The following ELOVL6 variants were observed in gnomAD, a reference collection of about 807,000 sequenced individuals.
ELOVL6 encodes very long chain fatty acid elongase 6.
A neutral mutation model predicts 31.7 loss-of-function variants in ELOVL6; 8 were observed. The observed-to-expected ratio is 0.25, with a 90% CI of 0.15 to 0.45. The LOEUF is 0.45. Among genes scored for constraint, ELOVL6 ranks in the 20% least tolerant of loss-of-function variants. The pLI, the probability that ELOVL6 is intolerant of heterozygous loss-of-function variation, is 1.00. For missense variants in ELOVL6, 126 were observed against 326.4 expected, an observed-to-expected ratio of 0.39 and a Z score of 4.73; for synonymous variants, 101 against 117.7, an observed-to-expected ratio of 0.86 and a Z score of 0.92.
intron 3 of ELOVL6, among the ~76,000 whole-genome samples, chr4:110,056,435 C>T (rs1278444053): frequency 6.6e-6 from 1 of 151,938 alleles, no homozygotes; most frequent in Non-Finnish European, 1.5e-5. Flanking sequence ...GAGACACTTG[C>T]ACTGATTTTG....
intron 2 of ELOVL6, among the ~76,000 whole-genome samples, chr4:110,093,919 G>A (rs1331736764): frequency 6.6e-6 from 1 of 152,086 alleles, no homozygotes; most frequent in African/African-American, 2.4e-5. Flanking sequence ...GGCCAAATGT[G>A]AGCAAAATTC....
intron 2 of ELOVL6, among the ~76,000 whole-genome samples, chr4:110,071,363 A>G (rs1251202867): frequency 1.3e-5 from 2 of 152,248 alleles, no homozygotes; most frequent in Admixed American, 6.5e-5. Flanking sequence ...ACATACTTGT[A>G]AGCACTCAGG....
chr4:110,149,906 T>G (rs1395258107), intron 1 of ELOVL6, among the ~76,000 whole-genome samples: 1 of 152,240 alleles, frequency 6.6e-6, no homozygotes, highest in African/African-American at 2.4e-5. Flanking sequence ...TATAGATTTT[T>G]GAGAGCGTAA....
chr4:110,189,935 C>T (rs1759564284), intron 1 of ELOVL6, among the ~76,000 whole-genome samples: 1 of 149,242 alleles, frequency 6.7e-6, no homozygotes, highest in South Asian at 2.1e-4. Context: ...CCACTGCACT[C>T]CAGCCTGGGC....
intron 2 of ELOVL6, among the ~76,000 whole-genome samples, chr4:110,100,126 T>G (rs1027423177): frequency 6.8e-6 from 1 of 146,860 alleles, no homozygotes; most frequent in African/African-American, 2.6e-5. Flanking sequence ...TTGGTCACTA[T>G]GCCATCATAC....
At chr4:110,065,861 A>C (rs958864867) in intron 2 of ELOVL6, among the ~76,000 whole-genome samples, 2 of 152,172 alleles carry the variant, frequency 1.3e-5, no homozygotes, top group Non-Finnish European at 2.9e-5. Flanking sequence ...GAACATCAAT[A>C]GTTGATTTAA....
At chr4:110,073,353 A>G (rs1755543878) in intron 2 of ELOVL6, among the ~76,000 whole-genome samples, 1 of 152,112 alleles carries the variant, frequency 6.6e-6, no homozygotes, top group Admixed American at 6.5e-5. Context: ...ATAAAATATC[A>G]TTAAGTGTGT....
In ELOVL6 at chr4:110,084,378, T is replaced by TCGCATATATG. The variant is rs1560815106; in HGVS notation, c.221+21118_221+21119insCATATATGCG. ...TATATACCGCATATATGATATATGATATATATCGCATATATGATATATGAT... is the reference window on the plus strand; with the variant it reads ...TATATACCGCATATATGATATATGATCGCATATATGATATATCGCATATATGATATATGAT... On this transcript the variant is annotated intron_variant, in intron 2 of 3. Coordinates refer to ENST00000302274, the MANE Select transcript of ELOVL6 (RefSeq NM_024090.3). Among the ~76,000 whole-genome samples the TCGCATATATG allele has an allele frequency of 1.1e-4, 5 of 46,676 alleles. 1 individual carries two copies. In the South Asian group the frequency reaches 4.2e-3, roughly 39 times the overall value. The allele number at this position is 46,676 out of a possible 152,430, so 30.6% of individuals were successfully genotyped here. A position where few individuals can be genotyped will look rare whatever the true frequency, so the allele number is the denominator to read the frequency against.
At chr4:110,144,189 G>C (rs1250284457) in intron 1 of ELOVL6, among the ~76,000 whole-genome samples, 2 of 151,982 alleles carry the variant, frequency 1.3e-5, no homozygotes, top group African/African-American at 2.4e-5. Context: ...CTAGATACTA[G>C]TGTTATTCAG....
chr4:110,197,001 C>G (rs958567127), intron 1 of ELOVL6, among the ~76,000 whole-genome samples: 2 of 152,226 alleles, frequency 1.3e-5, no homozygotes, highest in African/African-American at 4.8e-5. Flanking sequence ...GCACCAGCTC[C>G]TACTGCACCA....
At chr4:110,198,087 C>A (rs903222265) in intron 1 of ELOVL6, 160 bp downstream of exon 1, 7 of 331,376 alleles carry the variant, frequency 2.1e-5, no homozygotes, top group East Asian at 1.6e-4. Flanking sequence ...CCCCCCCCCC[C>A]AGCGTCTCCT....
chr4:110,129,339 C>T (rs934195479), intron 1 of ELOVL6, among the ~76,000 whole-genome samples: 1 of 152,128 alleles, frequency 6.6e-6, no homozygotes, highest in South Asian at 2.1e-4. Flanking sequence ...CTAAAAAGTC[C>T]TTGAGTCTCT....
intron 1 of ELOVL6, among the ~76,000 whole-genome samples, chr4:110,160,682 G>T (rs1404341321): frequency 1.3e-5 from 2 of 152,182 alleles, no homozygotes; most frequent in Non-Finnish European, 2.9e-5. Flanking sequence ...TTGTTGCAAT[G>T]TGCACTTTTG....
chr4:110,163,291 C>A (rs756617175), intron 1 of ELOVL6, among the ~76,000 whole-genome samples: 3 of 152,190 alleles, frequency 2.0e-5, no homozygotes, highest in African/African-American at 4.8e-5. Context: ...TTTAGTAAGG[C>A]TTTCCCTGAC....
At chr4:110,143,267 C>T (rs1005192766) in intron 1 of ELOVL6, among the ~76,000 whole-genome samples, 6 of 148,204 alleles carry the variant, frequency 4.0e-5, no homozygotes, top group Admixed American at 3.4e-4. Context: ...GACTGTAGTG[C>T]TTTTTTTTTT....
intron 2 of ELOVL6, among the ~76,000 whole-genome samples, chr4:110,092,333 T>C (rs896070740): frequency 6.6e-6 from 1 of 152,216 alleles, no homozygotes; most frequent in Non-Finnish European, 1.5e-5. Context: ...CTGTCAATGC[T>C]TTCAAGGCCG....
chr4:110,086,397 A>G (rs151335670), intron 2 of ELOVL6, among the ~76,000 whole-genome samples: 2 of 152,346 alleles, frequency 1.3e-5, no homozygotes, highest in African/African-American at 4.8e-5. Flanking sequence ...TGTACTTTAT[A>G]TGTTAAATTT....
intron 1 of ELOVL6, among the ~76,000 whole-genome samples, chr4:110,174,590 C>T (rs1759045985): frequency 6.6e-6 from 1 of 152,052 alleles, no homozygotes; most frequent in African/African-American, 2.4e-5. Context: ...CTAGACTTAC[C>T]AAGTTTTCTA....
chr4:110,126,805 T>C (rs1757510728), intron 1 of ELOVL6, among the ~76,000 whole-genome samples: 1 of 152,166 alleles, frequency 6.6e-6, no homozygotes, highest in Admixed American at 6.5e-5. Flanking sequence ...CTTGATCCAC[T>C]ATTTCATGCT....
Sources: allele counts gnomAD v4.1 joint callset (sites outside exome capture counted in the v4.1 genomes callset), GRCh38; gene constraint gnomAD v4.1.1; transcripts MANE v1.5; gene names NCBI Gene and HGNC (gene_info 2026-07-23, HGNC 2026-07-21).